The following PLEKHF1 variants were observed in gnomAD, a reference collection of about 807,000 sequenced individuals.
The protein encoded by PLEKHF1 is pleckstrin homology domain-containing family F member 1.
PLEKHF1 carries 1 observed loss-of-function variant against 4.1 expected under a neutral mutation model. The ratio of observed to expected loss-of-function variants is 0.24; its 90% CI spans 0.09 to 1.15. The LOEUF (loss-of-function observed/expected upper bound fraction) is 1.15, where lower values mean the gene tolerates loss of function less well. PLEKHF1 is among the 50% of genes most tolerant of loss of function. The probability of loss-of-function intolerance (pLI) is 0.52; values close to 1 mark genes in which losing one functional copy is unlikely to be tolerated. For missense variants in PLEKHF1, 429 were observed against 400.6 expected (o/e 1.07, Z -0.60); for synonymous variants, 182 against 178.5 (o/e 1.02, Z -0.16).
At chr19:29,665,629 G>C in intron 1 of PLEKHF1, 124 bp downstream of exon 1, 1 of 1,166,266 alleles carries the variant, frequency 8.6e-7, no homozygotes, top group Non-Finnish European at 1.1e-6. Flanking sequence ...GCGGCTCCTG[G>C]GCCGGCGGGG....
At chr19:29,668,036 A>T (rs1971589029) in intron 1 of PLEKHF1, among the ~76,000 whole-genome samples, 2 of 152,204 alleles carry the variant, frequency 1.3e-5, no homozygotes, top group Non-Finnish European at 2.9e-5. Flanking sequence ...ACCTGGCTTC[A>T]TGGCTTCTGC....
At position 29,672,053 on chromosome 19, in the gene PLEKHF1, CAAG is replaced by C. The variant is rs1971636315; in HGVS notation, c.-16-1764_-16-1762del. ...CTCCAAGAATTGTGGACACAATGAA[CAAG>C]AAGAAGCTCCTGTTCTCATGGAGCT... On this transcript the variant is annotated intron_variant, in intron 1 of 1. Coordinates refer to ENST00000436066, the MANE Select transcript of PLEKHF1 (RefSeq NM_024310.5). Among the ~76,000 whole-genome samples the C allele has an allele frequency of 3.3e-5, 5 of 152,000 alleles. No homozygotes were observed. The South Asian group carries it at 1.0e-3, about 32-fold the overall frequency.
intron 1 of PLEKHF1, among the ~76,000 whole-genome samples, chr19:29,668,923 C>T (rs909189780): frequency 5.3e-5 from 8 of 152,118 alleles, no homozygotes; most frequent in Admixed American, 5.2e-4. Context: ...TGCAGGTTCA[C>T]AAAGGAGGGC....
intron 1 of PLEKHF1, among the ~76,000 whole-genome samples, chr19:29,670,061 A>T (rs78421061): frequency 0.013 from 1,998 of 152,182 alleles, 72 homozygotes; most frequent in East Asian, 0.099. Flanking sequence ...CCTCCTCAGT[A>T]GCAGGGATTG....
At chr19:29,665,850 T>C in intron 1 of PLEKHF1, 1 of 1,012,444 alleles carries the variant, frequency 9.9e-7, no homozygotes, top group Non-Finnish European at 1.2e-6. Context: ...ACCCGGTCGC[T>C]GGTGGTGTTT....
chr19:29,672,100 C>A (rs968763386), intron 1 of PLEKHF1, among the ~76,000 whole-genome samples: 1 of 152,004 alleles, frequency 6.6e-6, no homozygotes, highest in African/African-American at 2.4e-5. Context: ...AGCAGGGAAG[C>A]AGAAAACACA....
Position 29,665,504 on chromosome 19 carries a change from A to C in PLEKHF1, c.-18A>C. The stretch of plus-strand genomic sequence containing the variant: ...GGGCTGGGCGCGGGGCCGGCGCAGA[A>C]GGTGAGTCCCCCCACCGTCCCCCGG... On this transcript the variant is annotated splice_region_variant and 5_prime_UTR_variant, in exon 1 of 2. Coordinates refer to ENST00000436066, the MANE Select transcript of PLEKHF1 (RefSeq NM_024310.5). 1 of 1,192,662 alleles carries C rather than the reference A, an allele frequency of 8.4e-7. No homozygotes were observed. Among genetic ancestry groups the C allele is most frequent in the Non-Finnish European group, 1.1e-6 (1 of 925,366 alleles). 73.9% of individuals were successfully genotyped at this position (1,192,662 alleles called of 1,614,324 possible). A position where few individuals can be genotyped will look rare whatever the true frequency, so the allele number is the denominator to read the frequency against.
intron 1 of PLEKHF1, among the ~76,000 whole-genome samples, chr19:29,669,763 G>T (rs949796135): frequency 6.6e-6 from 1 of 152,028 alleles, no homozygotes; most frequent in Non-Finnish European, 1.5e-5. Context: ...CCTTATAGAC[G>T]AAAGTGGAAT....
intron 1 of PLEKHF1, among the ~76,000 whole-genome samples, chr19:29,669,214 C>T (rs943281261): frequency 7.2e-5 from 11 of 152,176 alleles, no homozygotes; most frequent in Admixed American, 2.6e-4. Context: ...GATTGGGCAC[C>T]CCTGCCTGCA....
rs771297076 is a variant in PLEKHF1, at chr19:29,674,536, C to T, written c.697C>T (p.His233Tyr). The T allele has an allele frequency of 9.5e-6, 15 of 1,582,948 alleles. No homozygotes were observed. The Admixed American group carries it at 2.5e-4, about 26-fold the overall frequency. ...CGCGGGGTCCCCAGGGCAGCCAGCC[C>T]ACCTGGCCCGGCCCATCTGCGGAGC... ...QGAGSPGQPAHLARPICGASS... is the reference protein window; with the variant it reads ...QGAGSPGQPAYLARPICGASS... Residue 233 changes from histidine to tyrosine, a missense_variant, in exon 2 of 2, where the codon CAC becomes TAC. Transcript: ENST00000436066.
rs1020881244 is a variant in PLEKHF1, at chr19:29,674,321, G to A, written c.482G>A (p.Cys161Tyr). Reference sequence around the variant, plus strand: ...AAGGCCACGGACATCTGCATGCGCTGCACGCAGACGCGCTTCTCTGCCCTC... The same window carrying A: ...AAGGCCACGGACATCTGCATGCGCTACACGCAGACGCGCTTCTCTGCCCTC... ...PDKATDICMR[C>Y]TQTRFSALTR... The change falls in exon 2 of 2, where the codon TGC becomes TAC. Residue 161 changes from cysteine (C) to tyrosine (Y), a missense_variant. Cys to Tyr is a radical substitution (Grantham distance 194). Transcript: ENST00000436066. The A allele has an allele frequency of 8.3e-6, 13 of 1,575,614 alleles. No homozygotes were observed. The African/African-American group carries it at 1.5e-4, about 18-fold the overall frequency.
At chr19:29,670,488 A>G (rs1971618741) in intron 1 of PLEKHF1, among the ~76,000 whole-genome samples, 2 of 152,160 alleles carry the variant, frequency 1.3e-5, no homozygotes, top group Admixed American at 6.5e-5. Flanking sequence ...ATAGTATTCC[A>G]TGGTATGTAT....
In PLEKHF1 at chr19:29,674,834, T is replaced by C. The variant is rs868227052; in HGVS notation, c.*155T>C. On this transcript the variant is annotated 3_prime_UTR_variant, in exon 2 of 2. Coordinates refer to ENST00000436066, the MANE Select transcript of PLEKHF1 (RefSeq NM_024310.5). Reference sequence around the variant, plus strand: ...TCTTTCTGGACTCCCAGTGCCTTTTTGCTGGACACTGTGTCCTTATGGCTT... The same window carrying C: ...TCTTTCTGGACTCCCAGTGCCTTTTCGCTGGACACTGTGTCCTTATGGCTT... 2.7e-5 allele frequency: 30 copies of C among 1,129,712 alleles called. No individual in the cohort carries two copies. The highest frequency in any genetic ancestry group is 3.1e-4 in the Middle Eastern group (1 of 3,274). The allele number at this position is 1,129,712 out of a possible 1,614,324, so 70.0% of individuals were successfully genotyped here. A position where few individuals can be genotyped will look rare whatever the true frequency, so the allele number is the denominator to read the frequency against.
At chr19:29,665,562 G>A in intron 1 of PLEKHF1, 57 bp downstream of exon 1, 2 of 1,252,136 alleles carry the variant, frequency 1.6e-6, no homozygotes, top group South Asian at 1.3e-5. Context: ...GGCGCATGAG[G>A]CGAGTCTCCC....
chr19:29,672,406 G>A lies in PLEKHF1; in HGVS notation c.-16-1418G>A, dbSNP rs116778239. On this transcript the variant is annotated intron_variant, in intron 1 of 1. Coordinates refer to ENST00000436066, the MANE Select transcript of PLEKHF1 (RefSeq NM_024310.5). ...CCTTGGATTACCAATGCTTGTCCTG[G>A]GTGTGGGAAGAGGCTGCCTGAGCTG... Among the ~76,000 whole-genome samples the A allele has an allele frequency of 3.3e-3, 508 of 152,252 alleles. 4 individuals are homozygous for A. Among genetic ancestry groups the A allele is most frequent in the African/African-American group, 0.012 (492 of 41,534 alleles).
rs1746941893 is a variant in PLEKHF1 at position 29,669,923 on chromosome 19, C to A, written c.-16-3901C>A. Among the ~76,000 whole-genome samples, 8 of 152,182 alleles carry A rather than the reference C, an allele frequency of 5.3e-5. No individual in the cohort carries two copies. The South Asian group carries it at 1.7e-3, about 32-fold the overall frequency. On this transcript the variant is annotated intron_variant, in intron 1 of 1. Transcript: ENST00000436066. ...TGTTAAGTATATTCCCATTGTTGTGCAACAGATCTCCAAAACTTTTTTTTT... is the reference window on the plus strand; with the variant it reads ...TGTTAAGTATATTCCCATTGTTGTGAAACAGATCTCCAAAACTTTTTTTTT...
chr19:29,672,382 C>T (rs1399176716), intron 1 of PLEKHF1, among the ~76,000 whole-genome samples: 1 of 152,168 alleles, frequency 6.6e-6, no homozygotes, highest in African/African-American at 2.4e-5. Flanking sequence ...ACTCTCAGAC[C>T]TTGGATTACC....
intron 1 of PLEKHF1, among the ~76,000 whole-genome samples, chr19:29,668,566 A>G (rs1477648966): frequency 6.6e-6 from 1 of 151,926 alleles, no homozygotes; most frequent in Admixed American, 6.6e-5. Flanking sequence ...AAACAAATTT[A>G]AAAATTAGCC....
At chr19:29,665,820 G>T in intron 1 of PLEKHF1, 1 of 1,057,326 alleles carries the variant, frequency 9.5e-7, no homozygotes, top group Non-Finnish European at 1.2e-6. Context: ...GGCCACCCGG[G>T]ACTGCAGGGG....
Sources: allele counts gnomAD v4.1 joint callset (sites outside exome capture counted in the v4.1 genomes callset), GRCh38; gene constraint gnomAD v4.1.1; transcripts MANE v1.5; gene names NCBI Gene and HGNC (gene_info 2026-07-23, HGNC 2026-07-21).